The following FBXL3 variants were observed in gnomAD, a reference collection of about 807,000 sequenced individuals.
FBXL3 encodes F-box and leucine rich repeat protein 3.
In FBXL3, 14 loss-of-function variants were observed where a neutral mutation model predicts 37.9. That is an observed-to-expected ratio of 0.37 (90% confidence interval 0.24 to 0.58). The LOEUF is 0.58. FBXL3 is among the 20% of genes least tolerant of loss of function. The probability of loss-of-function intolerance (pLI) is 0.74; values close to 1 mark genes in which losing one functional copy is unlikely to be tolerated. For missense variants in FBXL3, 327 were observed against 511.1 expected (o/e 0.64, Z 3.47); for synonymous variants, 194 against 180.1 (o/e 1.08, Z -0.62).
At chr13:77,023,343 AGAGTGTGT>A (rs767768125) in intron 1 of FBXL3, among the ~76,000 whole-genome samples, 36 of 139,804 alleles carry the variant, frequency 2.6e-4, no homozygotes, top group African/African-American at 7.3e-4. Flanking sequence ...GGAGAGAGAG[AGAGTGTGT>A]GTGTGTGTGT....
chr13:77,025,617 G>C (rs2034822758), intron 1 of FBXL3, among the ~76,000 whole-genome samples: 1 of 150,532 alleles, frequency 6.6e-6, no homozygotes, highest in South Asian at 2.1e-4. Context: ...GGAGCCTGGG[G>C]TGGGAGGATC....
intron 4 of FBXL3, chr13:77,013,716 AAT>A (rs2034594069): frequency 6.6e-6 from 1 of 152,206 alleles, no homozygotes. Context: ...TGATTTGAGT[AAT>A]AACAAAACTC....
rs766385956 is a variant in FBXL3 at position 77,021,809 on chromosome 13, C to T, written c.52G>A (p.Ala18Thr). Reference protein sequence around the residue: ...SDRNSSEEGTAEKSKKLRTTN... With the variant: ...SDRNSSEEGTTEKSKKLRTTN... Reference sequence around the variant, plus strand: ...GTCCTCAGTTTCTTGGATTTCTCTGCAGTTCCTTCTTCTGATGAATTACGG... The same window carrying T: ...GTCCTCAGTTTCTTGGATTTCTCTGTAGTTCCTTCTTCTGATGAATTACGG... The change falls in exon 2 of 5, where the codon GCA becomes ACA. Residue 18 changes from alanine (A) to threonine (T), a missense_variant. Transcript: ENST00000355619. 8.1e-5 allele frequency: 130 copies of T among 1,613,632 alleles called. 1 individual carries two copies. In the East Asian group the frequency reaches 2.7e-3, roughly 33 times the overall value.
chr13:77,013,821 G>C (rs1241578323), intron 4 of FBXL3: 1 of 152,140 alleles, frequency 6.6e-6, no homozygotes, highest in Non-Finnish European at 1.5e-5. Context: ...AACGGACAAG[G>C]TGAACCCATT....
At position 77,007,056 on chromosome 13, in the gene FBXL3, A is replaced by G; in HGVS notation, c.*89T>C. ...AAGATATCAAATTTCTGTGCCACAA[A>G]ATAGTAGAATTATATCAGAACTACA... is the stretch of plus-strand genomic sequence containing the variant. On this transcript the variant is annotated 3_prime_UTR_variant, in exon 5 of 5. Transcript: ENST00000355619. 1.3e-6 allele frequency: 2 copies of G among 1,481,712 alleles called. No individual in the cohort carries two copies. The highest frequency in any genetic ancestry group is 1.8e-6 in the Non-Finnish European group (2 of 1,123,926). 91.8% of individuals were successfully genotyped at this position (1,481,712 alleles called of 1,614,324 possible). A position where few individuals can be genotyped will look rare whatever the true frequency, so the allele number is the denominator to read the frequency against.
intron 3 of FBXL3, chr13:77,017,841 C>T (rs910149855): frequency 6.6e-6 from 1 of 152,068 alleles, no homozygotes; most frequent in Non-Finnish European, 1.5e-5. Context: ...CCTCCTCAAT[C>T]ATCCTAGTAC....
In FBXL3 at chr13:77,005,948, A is replaced by T. The variant is rs559446738; in HGVS notation, c.*1197T>A. The T allele has an allele frequency of 2.0e-5, 3 of 152,682 alleles. No homozygotes were observed. In the South Asian group the frequency reaches 6.2e-4, roughly 32 times the overall value. 9.5% of individuals were successfully genotyped at this position (152,682 alleles called of 1,614,324 possible). A position where few individuals can be genotyped will look rare whatever the true frequency, so the allele number is the denominator to read the frequency against. On this transcript the variant is annotated 3_prime_UTR_variant, in exon 5 of 5. Transcript: ENST00000355619. ...CTTTTATTCATATGAAAGTAATATAAAATGTTACCTAACTTAAATAATATA... is the reference window on the plus strand; with the variant it reads ...CTTTTATTCATATGAAAGTAATATATAATGTTACCTAACTTAAATAATATA...
At chr13:77,018,420 TTAAA>T in intron 3 of FBXL3, 176 bp downstream of exon 3, 1 of 298,020 alleles carries the variant, frequency 3.4e-6, no homozygotes, top group Non-Finnish European at 5.2e-6. Flanking sequence ...GTATGGTGAT[TTAAA>T]AAAAAAAAAA....
chr13:77,020,605 G>GTTTT (rs1555276400), intron 2 of FBXL3, among the ~76,000 whole-genome samples: 10,513 of 149,400 alleles, frequency 0.07, 1,265 homozygotes, highest in African/African-American at 0.24. Flanking sequence ...TTCATGCATT[G>GTTTT]TTTTTTTTTT....
At chr13:77,026,583 C>T (rs2034843159) in intron 1 of FBXL3, among the ~76,000 whole-genome samples, 1 of 152,088 alleles carries the variant, frequency 6.6e-6, no homozygotes, top group Non-Finnish European at 1.5e-5. Context: ...GGCCGCCGCA[C>T]ACGCACCACG....
rs553015658 is a variant in FBXL3, at chr13:77,006,449, T to C, written c.*696A>G. The stretch of plus-strand genomic sequence containing the variant: ...ATATCACAAAAGAATGTATATGGTT[T>C]AGCAGATTACAGAGCAAACCTAAAA... On this transcript the variant is annotated 3_prime_UTR_variant, in exon 5 of 5. Coordinates refer to ENST00000355619, the MANE Select transcript of FBXL3 (RefSeq NM_012158.4). 1 of 152,308 alleles carries C rather than the reference T, an allele frequency of 6.6e-6. No homozygotes were observed. The highest frequency in any genetic ancestry group is 2.4e-5 in the African/African-American group (1 of 41,586). 9.4% of individuals were successfully genotyped at this position (152,308 alleles called of 1,614,324 possible). A position where few individuals can be genotyped will look rare whatever the true frequency, so the allele number is the denominator to read the frequency against.
intron 4 of FBXL3, chr13:77,012,802 GTC>G (rs2034577904): frequency 6.6e-6 from 1 of 152,156 alleles, no homozygotes; most frequent in Admixed American, 6.5e-5. Context: ...TTGAGACAGA[GTC>G]TCGCTCTGTT....
intron 4 of FBXL3, among the ~76,000 whole-genome samples, chr13:77,011,702 G>A (rs893583865): frequency 6.6e-5 from 9 of 136,198 alleles, no homozygotes; most frequent in African/African-American, 1.9e-4. Flanking sequence ...CAGCCTGGGC[G>A]ACAGAGTGAG....
intron 1 of FBXL3, among the ~76,000 whole-genome samples, chr13:77,023,333 G>GGAGAGAGA (rs576180258): frequency 4.1e-5 from 6 of 147,474 alleles, no homozygotes; most frequent in South Asian, 4.3e-4. Flanking sequence ...GCTTTAAAAT[G>GGAGAGAGA]GAGAGAGAGA....
Position 77,007,788 on chromosome 13 carries a change from C to A in FBXL3, c.644G>T (p.Gly215Val). 6.5e-7 allele frequency: 1 copy of A among 1,540,106 alleles called. No homozygotes were observed. Among genetic ancestry groups the A allele is most frequent in the Non-Finnish European group, 8.7e-7 (1 of 1,144,418 alleles). The change falls in exon 5 of 5, where the codon GGT (glycine) becomes GTT (valine). Residue 215 changes from glycine (G) to valine (V), a missense_variant and splice_region_variant. By Grantham distance (109) the Gly-to-Val change is moderately radical (BLOSUM62 -3). Transcript: ENST00000355619. ...MSSCPHVSPA[G>V]ILCVADQCHG... is the part of the protein sequence containing the mutation. ...ACACTGATCAGCCACACAAAGGATA[C>A]CTTGAAAGAAAAAAAAAATTATTTG...
intron 3 of FBXL3, chr13:77,017,876 G>T (rs1404495985): frequency 6.6e-6 from 1 of 151,258 alleles, no homozygotes; most frequent in African/African-American, 2.4e-5. Flanking sequence ...TACTTAAAAG[G>T]GTGTCTATAT....
At chr13:77,007,935 G>A in intron 4 of FBXL3, 147 bp from the exon 5 acceptor site, 1 of 579,252 alleles carries the variant, frequency 1.7e-6, no homozygotes, top group Non-Finnish European at 2.9e-6. Context: ...GAATTAGAAG[G>A]GAAGTAACAA....
Position 77,026,076 on chromosome 13 carries a change from T to G in FBXL3, c.-2+751A>C. 4 of 660,630 alleles carry G rather than the reference T, an allele frequency of 6.1e-6. No homozygotes were observed. In the South Asian group the frequency reaches 2.7e-4, roughly 45 times the overall value. The allele number at this position is 660,630 out of a possible 1,614,324, so 40.9% of individuals were successfully genotyped here. A position where few individuals can be genotyped will look rare whatever the true frequency, so the allele number is the denominator to read the frequency against. On this transcript the variant is annotated intron_variant, in intron 1 of 4. Transcript: ENST00000355619. ...GAGATAACAGAAACTAAGTTACTTT[T>G]TTTTCAAGTTAGAAAAGGAGGATTC...
At chr13:77,020,254 T>C (rs1264627158) in intron 2 of FBXL3, among the ~76,000 whole-genome samples, 1 of 152,244 alleles carries the variant, frequency 6.6e-6, no homozygotes, top group Non-Finnish European at 1.5e-5. Flanking sequence ...GGGATGTAAC[T>C]ATACTAAAAA....
Sources: allele counts gnomAD v4.1 joint callset (sites outside exome capture counted in the v4.1 genomes callset), GRCh38; gene constraint gnomAD v4.1.1; transcripts MANE v1.5; gene names NCBI Gene and HGNC (gene_info 2026-07-23, HGNC 2026-07-21).